PEAK1: variants seen among roughly 807,000 people sequenced by gnomAD.
The protein encoded by PEAK1 is inactive tyrosine-protein kinase PEAK1.
In PEAK1, 54 loss-of-function variants were observed where a neutral mutation model predicts 124.7. The ratio of observed to expected loss-of-function variants is 0.43; its 90% CI spans 0.35 to 0.54. The LOEUF (loss-of-function observed/expected upper bound fraction) is 0.54. Among genes scored for constraint, PEAK1 ranks in the 20% least tolerant of loss-of-function variants. The pLI is 0.01. For missense variants in PEAK1, 2,046 were observed against 2,134.5 expected (o/e 0.96, Z 0.82); for synonymous variants, 719 against 760.0 (o/e 0.95, Z 0.89).
At chr15:77,418,602 C>G in intron 1 of PEAK1, 1 of 985,048 alleles carries the variant, frequency 1.0e-6, no homozygotes, top group Non-Finnish European at 1.2e-6. Context: ...AAATAAGTCA[C>G]CAAAGAGAAG....
At position 77,180,751 on chromosome 15, in the gene PEAK1, A is replaced by G; in HGVS notation, c.1176T>C (p.Ser392=). Residue 392 remains serine (S), a synonymous_variant, in exon 7 of 10, where the codon AGT becomes AGC. Transcript: ENST00000682557. ...GTGATGAATCTTTATCCTGATTATT[A>G]CTAGAGGGACTTTCATAATTGGGCT... ...EIEPNYESPS[S]NNQDKDSSQA... 6.2e-7 allele frequency: 1 copy of G among 1,614,066 alleles called. No homozygotes were observed. The highest frequency in any genetic ancestry group is 1.1e-5 in the South Asian group (1 of 91,066).
intron 1 of PEAK1, among the ~76,000 whole-genome samples, chr15:77,393,285 C>T (rs902188303): frequency 7.9e-5 from 12 of 152,164 alleles, no homozygotes; most frequent in African/African-American, 1.2e-4. Context: ...TAGTGAGACA[C>T]GAGCCAGGGC....
chr15:77,306,002 T>C (rs1253118941), intron 2 of PEAK1, among the ~76,000 whole-genome samples: 3 of 152,206 alleles, frequency 2.0e-5, no homozygotes, highest in Non-Finnish European at 2.9e-5. Context: ...CCATTACTTT[T>C]AATAATAGAT....
intron 3 of PEAK1, 97 bp from the exon 4 acceptor site, chr15:77,285,152 T>A (rs2152972538): frequency 6.6e-6 from 1 of 151,976 alleles, no homozygotes; most frequent in African/African-American, 2.4e-5. Context: ...CAATACACGG[T>A]TTTGAATCTG....
intron 6 of PEAK1, among the ~76,000 whole-genome samples, chr15:77,229,242 T>C (rs1457656996): frequency 6.6e-6 from 1 of 152,184 alleles, no homozygotes; most frequent in Non-Finnish European, 1.5e-5. Context: ...GAGCACTTCA[T>C]TGAAGTTTAG....
intron 1 of PEAK1, chr15:77,404,587 A>AT: frequency 1.2e-6 from 1 of 869,500 alleles, no homozygotes. Flanking sequence ...TTGAAACTAC[A>AT]TATGTGGTTT....
intron 1 of PEAK1, chr15:77,419,652 C>T (rs866807904): frequency 2.0e-6 from 2 of 985,196 alleles, no homozygotes; most frequent in Middle Eastern, 5.2e-4. Context: ...TCCCCCGCAA[C>T]CTCCCAGCCG....
intron 5 of PEAK1, among the ~76,000 whole-genome samples, chr15:77,265,579 T>C (rs994238266): frequency 3.9e-5 from 6 of 152,192 alleles, no homozygotes; most frequent in Non-Finnish European, 7.3e-5. Context: ...CCAGTTAGAA[T>C]GGCGATCATT....
chr15:77,157,055 GGTT>G (rs1011384630), intron 8 of PEAK1: 2 of 152,246 alleles, frequency 1.3e-5, no homozygotes, highest in African/African-American at 4.8e-5. Flanking sequence ...ACTGCATATG[GGTT>G]GTTATGATTG....
intron 1 of PEAK1, among the ~76,000 whole-genome samples, chr15:77,385,110 C>T (rs1007601174): frequency 6.6e-6 from 1 of 152,064 alleles, no homozygotes; most frequent in African/African-American, 2.4e-5. Context: ...TCAGGTGAAC[C>T]TAAAATCTTC....
intron 2 of PEAK1, chr15:77,333,994 T>G (rs947601031): frequency 2.9e-5 from 13 of 446,428 alleles, no homozygotes; most frequent in Non-Finnish European, 3.8e-5. Flanking sequence ...TTCATAGATT[T>G]GGGAAGAATT....
chr15:77,126,715 CT>C (rs1255952365), intron 9 of PEAK1, among the ~76,000 whole-genome samples: 2 of 152,192 alleles, frequency 1.3e-5, no homozygotes, highest in Non-Finnish European at 2.9e-5. Flanking sequence ...AGGCGCATGA[CT>C]TGCATAAAAA....
At chr15:77,380,443 T>C (rs1392020063) in intron 1 of PEAK1, among the ~76,000 whole-genome samples, 1 of 152,180 alleles carries the variant, frequency 6.6e-6, no homozygotes, top group Non-Finnish European at 1.5e-5. Flanking sequence ...CTGCTTATTA[T>C]GTACGTGGTC....
chr15:77,220,403 T>C (rs1567130811), intron 6 of PEAK1, among the ~76,000 whole-genome samples: 1 of 151,932 alleles, frequency 6.6e-6, no homozygotes, highest in Non-Finnish European at 1.5e-5. Flanking sequence ...TACATCCCTT[T>C]TATCAACATA....
At chr15:77,147,400 T>C (rs1405209185) in intron 8 of PEAK1, among the ~76,000 whole-genome samples, 1 of 152,182 alleles carries the variant, frequency 6.6e-6, no homozygotes, top group East Asian at 1.9e-4. Flanking sequence ...GGAGATATTA[T>C]AGATCTTTCT....
chr15:77,248,751 T>C (rs565174707), intron 6 of PEAK1, among the ~76,000 whole-genome samples: 43 of 152,336 alleles, frequency 2.8e-4, no homozygotes, highest in Non-Finnish European at 5.0e-4. Flanking sequence ...TAAAAGTGAA[T>C]CTCAATGTTT....
In PEAK1 at chr15:77,180,372, T is replaced by C. The variant is rs773578114; in HGVS notation, c.1555A>G (p.Ile519Val). 2.5e-6 allele frequency: 4 copies of C among 1,614,110 alleles called. No homozygotes were observed. The highest frequency in any genetic ancestry group is 2.2e-5 in the South Asian group (2 of 91,080). ...VTSSSLTPGQ[I>V]SAHFQKSSAI... is the part of the protein sequence containing the mutation. ...CTGGATTTTTGGAAATGGGCACTTA[T>C]TTGTCCTGGTGTCAATGAAGATGAT... The change falls in exon 7 of 10, where the codon ATA becomes GTA. Residue 519 changes from isoleucine to valine, a missense_variant. Ile to Val is a conservative substitution (Grantham distance 29). Transcript: ENST00000682557.
chr15:77,306,274 G>C (rs1414414597), intron 2 of PEAK1, among the ~76,000 whole-genome samples: 2 of 151,810 alleles, frequency 1.3e-5, no homozygotes, highest in Non-Finnish European at 2.9e-5. Context: ...GAGTTTAAAG[G>C]ACTCAGTAAG....
chr15:77,414,343 G>A (rs2072698185), intron 1 of PEAK1, among the ~76,000 whole-genome samples: 1 of 150,396 alleles, frequency 6.6e-6, no homozygotes, highest in South Asian at 2.1e-4. Flanking sequence ...CTGAGTAGGT[G>A]GGACTACAGG....
Sources: gnomAD v4.1 joint callset for allele counts (sites outside exome capture counted in the v4.1 genomes callset) on GRCh38, gnomAD v4.1.1 for gene constraint, MANE v1.5 for transcripts, NCBI Gene and HGNC (gene_info 2026-07-23, HGNC 2026-07-21) for gene names.